MEOX2: variants seen among roughly 807,000 people sequenced by gnomAD.
The protein encoded by MEOX2 is mesenchyme homeobox 2, also known as homeobox protein MOX-2.
Under a neutral mutation model 27.0 loss-of-function variants are expected in MEOX2, and 11 were observed. The ratio of observed to expected loss-of-function variants is 0.41; its 90% CI spans 0.26 to 0.68. The LOEUF (loss-of-function observed/expected upper bound fraction) is 0.68. Ranked by LOEUF, MEOX2 falls within the 30% of genes least tolerant of loss-of-function variation. The pLI is 0.33. For synonymous variants in MEOX2, 189 were observed against 155.4 expected (o/e 1.22, Z -1.61); for missense variants, 436 against 385.4 (o/e 1.13, Z -1.10).
intron 2 of MEOX2, among the ~76,000 whole-genome samples, chr7:15,622,560 T>C (rs1781236746): frequency 6.6e-6 from 1 of 152,118 alleles, no homozygotes; most frequent in East Asian, 1.9e-4. Flanking sequence ...TATTTTAACA[T>C]ATGAAAAAAA....
chr7:15,641,607 T>C lies in MEOX2; in HGVS notation c.518-14689A>G, dbSNP rs1238815555. On this transcript the variant is annotated intron_variant, in intron 1 of 2. Transcript: ENST00000262041. Reference sequence around the variant, plus strand: ...TCTTTTAAGTGGGGCAGTTAGGCTATTTACAATCAAGGTTCATATTGATAT... The same window carrying C: ...TCTTTTAAGTGGGGCAGTTAGGCTACTTACAATCAAGGTTCATATTGATAT... 4.6e-5 allele frequency among the ~76,000 whole-genome samples: 7 copies of C among 152,286 alleles called. No individual in the cohort carries two copies. The East Asian group carries it at 1.2e-3, about 25-fold the overall frequency.
intron 1 of MEOX2, chr7:15,680,632 G>C (rs539749876): frequency 3.3e-5 from 5 of 151,838 alleles, no homozygotes; most frequent in Non-Finnish European, 7.4e-5. Flanking sequence ...ATAGTCATGA[G>C]AGCATCCTAA....
intron 1 of MEOX2, among the ~76,000 whole-genome samples, chr7:15,631,562 A>C (rs1781401007): frequency 6.6e-6 from 1 of 151,846 alleles, no homozygotes; most frequent in African/African-American, 2.4e-5. Flanking sequence ...ATAGTTTTTC[A>C]ATTTAAGTTT....
At chr7:15,677,308 A>T (rs753151475) in intron 1 of MEOX2, among the ~76,000 whole-genome samples, 4 of 152,198 alleles carry the variant, frequency 2.6e-5, no homozygotes, top group African/African-American at 7.2e-5. Context: ...TGCTTTGTGT[A>T]TATTAACTCA....
intron 1 of MEOX2, chr7:15,667,850 T>A (rs1050241578): frequency 7.2e-5 from 11 of 152,224 alleles, no homozygotes; most frequent in Admixed American, 1.3e-4. Flanking sequence ...ATATCTGACC[T>A]GAGAATAGCT....
intron 1 of MEOX2, among the ~76,000 whole-genome samples, chr7:15,658,883 C>G (rs1049554190): frequency 6.6e-6 from 1 of 152,192 alleles, no homozygotes; most frequent in Non-Finnish European, 1.5e-5. Context: ...TTTAAGACAA[C>G]CAGTCTGTAA....
intron 1 of MEOX2, among the ~76,000 whole-genome samples, chr7:15,635,299 T>C (rs895830393): frequency 9.9e-5 from 15 of 152,012 alleles, no homozygotes; most frequent in African/African-American, 3.6e-4. Flanking sequence ...CTTTACCTAC[T>C]GCATGGCCTT....
At chr7:15,624,563 T>A (rs1781268768) in intron 2 of MEOX2, among the ~76,000 whole-genome samples, 1 of 152,068 alleles carries the variant, frequency 6.6e-6, no homozygotes, top group African/African-American at 2.4e-5. Context: ...AATGCTTCTA[T>A]CACCATTGGA....
At chr7:15,619,382 C>T (rs773014967) in intron 2 of MEOX2, among the ~76,000 whole-genome samples, 13 of 152,064 alleles carry the variant, frequency 8.5e-5, no homozygotes, top group African/African-American at 2.4e-4. Context: ...TGTTCCCTAA[C>T]ATTATTGTTA....
At chr7:15,665,949 C>T (rs560060401) in intron 1 of MEOX2, among the ~76,000 whole-genome samples, 1 of 152,254 alleles carries the variant, frequency 6.6e-6, no homozygotes, top group South Asian at 2.1e-4. Context: ...TTAGGGGTGC[C>T]ACTTTCTGAG....
At chr7:15,661,969 T>C (rs1781926060) in intron 1 of MEOX2, among the ~76,000 whole-genome samples, 1 of 152,086 alleles carries the variant, frequency 6.6e-6, no homozygotes, top group Non-Finnish European at 1.5e-5. Context: ...ATAAACTTGT[T>C]TTGTATTTAG....
In MEOX2 at chr7:15,686,089, C is replaced by G. The variant is rs1218413777; in HGVS notation, c.314G>C (p.Arg105Pro). The change falls in exon 1 of 3, where the codon CGG becomes CCG. Residue 105 changes from arginine to proline, a missense_variant. Physicochemically the swap from Arg to Pro is moderately radical, Grantham distance 103. Transcript: ENST00000262041. Reference protein sequence around the residue: ...PQMSSPPSAARHSLCLQPDSG... With the variant: ...PQMSSPPSAAPHSLCLQPDSG... Reference sequence around the variant, plus strand: ...GTCGGGCTGGAGGCAGAGGCTGTGCCGAGCCGCACTCGGTGGGGAAGACAT... The same window carrying G: ...GTCGGGCTGGAGGCAGAGGCTGTGCGGAGCCGCACTCGGTGGGGAAGACAT... The G allele has an allele frequency of 1.9e-6, 3 of 1,588,734 alleles. No homozygotes were observed. Among genetic ancestry groups the G allele is most frequent in the East Asian group, 2.3e-5 (1 of 43,164 alleles).
intron 1 of MEOX2, among the ~76,000 whole-genome samples, chr7:15,668,521 G>A (rs1364771877): frequency 6.6e-6 from 1 of 151,802 alleles, no homozygotes; most frequent in Non-Finnish European, 1.5e-5. Flanking sequence ...TTGCTCTGTC[G>A]CCCAGGCTGG....
intron 1 of MEOX2, among the ~76,000 whole-genome samples, chr7:15,683,824 A>G (rs1177433003): frequency 6.6e-6 from 1 of 152,142 alleles, no homozygotes; most frequent in Non-Finnish European, 1.5e-5. Context: ...GGTGATGACT[A>G]ATTGTACTTT....
chr7:15,649,313 A>T (rs1245060700), intron 1 of MEOX2, among the ~76,000 whole-genome samples: 1 of 152,100 alleles, frequency 6.6e-6, no homozygotes, highest in Non-Finnish European at 1.5e-5. Context: ...AGCTTATAAA[A>T]ATAGTGTGCA....
chr7:15,660,799 A>T (rs1354889364), intron 1 of MEOX2, among the ~76,000 whole-genome samples: 2 of 152,042 alleles, frequency 1.3e-5, no homozygotes, highest in East Asian at 3.9e-4. Context: ...AGGCAGGCAG[A>T]TCACCTGAGG....
At chr7:15,649,310 A>ATTGTG (rs1293010797) in intron 1 of MEOX2, among the ~76,000 whole-genome samples, 1 of 152,130 alleles carries the variant, frequency 6.6e-6, no homozygotes, top group Non-Finnish European at 1.5e-5. Context: ...AGGAGCTTAT[A>ATTGTG]AAAATAGTGT....
At chr7:15,644,862 G>A (rs1297728078) in intron 1 of MEOX2, among the ~76,000 whole-genome samples, 2 of 152,148 alleles carry the variant, frequency 1.3e-5, no homozygotes, top group Non-Finnish European at 2.9e-5. Context: ...GGGATTCCAA[G>A]CCAGTAAGCT....
intron 2 of MEOX2, among the ~76,000 whole-genome samples, chr7:15,621,435 G>A (rs541791991): frequency 6.6e-6 from 1 of 152,256 alleles, no homozygotes; most frequent in East Asian, 1.9e-4. Flanking sequence ...AGTTCAAACA[G>A]AATTATAGAC....
Sources: allele counts gnomAD v4.1 joint callset (sites outside exome capture counted in the v4.1 genomes callset), GRCh38; gene constraint gnomAD v4.1.1; transcripts MANE v1.5; gene names NCBI Gene and HGNC (gene_info 2026-07-23, HGNC 2026-07-21).